The following KLRG1 variants were observed in gnomAD, a reference collection of about 807,000 sequenced individuals.
KLRG1 encodes killer cell lectin-like receptor subfamily G member 1.
KLRG1 carries 16 observed loss-of-function variants against 21.8 expected under a neutral mutation model. That is an observed-to-expected ratio of 0.73 (90% CI 0.50 to 1.11). The LOEUF is 1.11. Ranked by LOEUF, KLRG1 falls within the 50% of genes most tolerant of loss-of-function variation. The pLI, the probability that KLRG1 is intolerant of heterozygous loss-of-function variation, is 0.00. For missense variants in KLRG1, 173 were observed against 218.3 expected, an observed-to-expected ratio of 0.79 and a Z score of 1.31; for synonymous variants, 69 against 75.9, an observed-to-expected ratio of 0.91 and a Z score of 0.47.
At chr12:9,113,477 C>G in the KLRG1 span, 2 of 1,613,812 alleles carry the variant, frequency 1.2e-6, no homozygotes, top group Non-Finnish European at 1.7e-6. Flanking sequence ...TCAGGTAGCT[C>G]AGAAGGACAC....
At chr12:9,088,662 T>C in the KLRG1 span, among the ~76,000 whole-genome samples, 1 of 152,182 alleles carries the variant, frequency 6.6e-6, no homozygotes, top group East Asian at 1.9e-4. Flanking sequence ...CTTAGTGTAT[T>C]AAATTTTTCC....
the KLRG1 span, among the ~76,000 whole-genome samples, chr12:9,136,943 A>G: frequency 2.6e-5 from 4 of 152,206 alleles, no homozygotes; most frequent in African/African-American, 9.6e-5. Flanking sequence ...CTTGTCAGAC[A>G]CATGGTTTGC....
chr12:9,112,740 CAGTA>C, the KLRG1 span: 3 of 568,878 alleles, frequency 5.3e-6, no homozygotes, highest in Non-Finnish European at 9.4e-6. Flanking sequence ...GAAAATAAAT[CAGTA>C]AGAGAGGTTG....
Position 8,989,682 on chromosome 12 carries a change from C to T in KLRG1, c.47C>T (p.Thr16Ile), listed in dbSNP as rs1460669667. ...IYSMLELPTA[T>I]QAQNDYGPQQ... Reference sequence around the variant, plus strand: ...TCCATGTTAGAGTTGCCTACGGCAACCCAAGCCCAGAATGACTATGGACCA... The same window carrying T: ...TCCATGTTAGAGTTGCCTACGGCAATCCAAGCCCAGAATGACTATGGACCA... The change falls in exon 1 of 5, where the codon ACC (threonine) becomes ATC (isoleucine). Residue 16 changes from threonine (T) to isoleucine (I), a missense_variant. This residue lies in a region of KLRG1 where 144 missense variants were observed against 161.5 expected (regional missense o/e 0.89). Transcript: ENST00000356986. 1 of 1,610,826 alleles carries T rather than the reference C, an allele frequency of 6.2e-7. No homozygotes were observed. Among genetic ancestry groups the T allele is most frequent in the Non-Finnish European group, 8.5e-7 (1 of 1,178,072 alleles).
At chr12:9,078,394 T>C in the KLRG1 span, among the ~76,000 whole-genome samples, 1 of 152,248 alleles carries the variant, frequency 6.6e-6, no homozygotes, top group Non-Finnish European at 1.5e-5. Context: ...TGCTGCATAG[T>C]ATTCCATGAT....
chr12:9,072,236 T>C, the KLRG1 span: 1 of 1,129,294 alleles, frequency 8.9e-7, no homozygotes, highest in Non-Finnish European at 1.3e-6. Flanking sequence ...CTTAAGAGAA[T>C]ACATTGCATT....
At chr12:9,163,165 A>G in the KLRG1 span, among the ~76,000 whole-genome samples, 2 of 152,004 alleles carry the variant, frequency 1.3e-5, no homozygotes, top group Admixed American at 6.6e-5. Context: ...ATCTTAGGAG[A>G]GAGGTGGAGA....
the KLRG1 span, among the ~76,000 whole-genome samples, chr12:9,154,022 G>A: frequency 1.3e-5 from 2 of 152,196 alleles, no homozygotes; most frequent in Admixed American, 1.3e-4. Flanking sequence ...TGAAGAAGCT[G>A]AGTTCCTTGG....
the KLRG1 span, among the ~76,000 whole-genome samples, chr12:9,132,297 A>AG: frequency 1.3e-5 from 2 of 152,218 alleles, no homozygotes; most frequent in African/African-American, 2.4e-5. Context: ...TTATTGCCAG[A>AG]GGGATTCCAG....
At chr12:9,107,478 C>A in the KLRG1 span, 1 of 1,602,518 alleles carries the variant, frequency 6.2e-7, no homozygotes, top group Non-Finnish European at 8.5e-7. Flanking sequence ...TGCTTTTCAA[C>A]AATGCCTTTA....
the KLRG1 span, chr12:9,099,672 T>A: frequency 1.1e-6 from 1 of 949,094 alleles, no homozygotes; most frequent in East Asian, 2.7e-5. Context: ...ATCAAAGCCC[T>A]CTCTCCTCTC....
the KLRG1 span, among the ~76,000 whole-genome samples, chr12:9,063,852 CAGTT>C: frequency 1.2e-4 from 19 of 152,244 alleles, no homozygotes; most frequent in African/African-American, 4.6e-4. Flanking sequence ...AGTAGGCAAT[CAGTT>C]AGTATTTCAG....
At chr12:9,106,496 C>G in the KLRG1 span, 6 of 1,586,874 alleles carry the variant, frequency 3.8e-6, no homozygotes, top group Non-Finnish European at 5.2e-6. Flanking sequence ...CAAACCTGTT[C>G]CTTCTTCTTG....
the KLRG1 span, chr12:9,168,834 C>A: frequency 6.7e-7 from 1 of 1,490,748 alleles, no homozygotes; most frequent in South Asian, 1.1e-5. Flanking sequence ...TATTGTTGGA[C>A]ATGAAATAAA....
the KLRG1 span, among the ~76,000 whole-genome samples, chr12:9,126,852 A>G: frequency 7.2e-5 from 11 of 152,364 alleles, no homozygotes; most frequent in South Asian, 2.1e-3. Flanking sequence ...TTTAGTCTGT[A>G]TATCATCACG....
the KLRG1 span, chr12:9,181,239 T>G: frequency 7.2e-7 from 1 of 1,380,936 alleles, no homozygotes; most frequent in Non-Finnish European, 9.9e-7. Flanking sequence ...ATGACTATGT[T>G]GGTAATGTCA....
chr12:9,112,061 C>T, the KLRG1 span: 2 of 1,117,026 alleles, frequency 1.8e-6, no homozygotes, highest in Non-Finnish European at 2.7e-6. Flanking sequence ...GTTAATGATA[C>T]CAGATTCTTC....
chr12:9,077,912 C>T, the KLRG1 span: 2 of 1,605,726 alleles, frequency 1.2e-6, no homozygotes, highest in Non-Finnish European at 1.7e-6. Context: ...GTTTTATAAC[C>T]ACTTCACAGC....
the KLRG1 span, among the ~76,000 whole-genome samples, chr12:9,022,379 A>G: frequency 6.6e-6 from 1 of 152,174 alleles, no homozygotes; most frequent in Non-Finnish European, 1.5e-5. Context: ...TTATGGGAAC[A>G]CAGTGTATAC....
Sources: allele counts gnomAD v4.1 joint callset (sites outside exome capture counted in the v4.1 genomes callset), GRCh38; gene constraint gnomAD v4.1.1; regional missense constraint gnomAD v4.1.1; transcripts MANE v1.5; gene names NCBI Gene and HGNC (gene_info 2026-07-23, HGNC 2026-07-21).